Variants in PDGFC observed in about 807,000 individuals in gnomAD.
PDGFC encodes the protein platelet derived growth factor C.
A neutral mutation model predicts 35.5 loss-of-function variants in PDGFC; 12 were observed. That is an observed-to-expected ratio of 0.34 (90% CI 0.22 to 0.55). PDGFC has a LOEUF of 0.55. PDGFC is among the 20% of genes least tolerant of loss of function. PDGFC has a pLI of 0.91. For synonymous variants in PDGFC, 159 were observed against 148.8 expected (o/e 1.07, Z -0.50); for missense variants, 322 against 412.4 (o/e 0.78, Z 1.90).
chr4:156,950,476 T>C (rs1307385121), intron 1 of PDGFC, among the ~76,000 whole-genome samples: 1 of 151,898 alleles, frequency 6.6e-6, no homozygotes, highest in Non-Finnish European at 1.5e-5. Context: ...TTATCACCAT[T>C]CATTAAAACG....
In PDGFC at chr4:156,971,469, T is replaced by C; in HGVS notation, c.-566A>G. The C allele has an allele frequency of 6.1e-6, 1 of 162,910 alleles. No individual in the cohort carries two copies. Among genetic ancestry groups the C allele is most frequent in the East Asian group, 1.5e-4 (1 of 6,616 alleles). 10.1% of individuals were successfully genotyped at this position (162,910 alleles called of 1,614,324 possible). A position where few individuals can be genotyped will look rare whatever the true frequency, so the allele number is the denominator to read the frequency against. The stretch of plus-strand genomic sequence containing the variant: ...AACAAGGCGAGGGCGCCGCGGCGGG[T>C]CCCACGGGCCGGGGCGCCGGAGCGG... On this transcript the variant is annotated 5_prime_UTR_variant, in exon 1 of 6. Coordinates refer to ENST00000502773, the MANE Select transcript of PDGFC (RefSeq NM_016205.3).
intron 2 of PDGFC, among the ~76,000 whole-genome samples, chr4:156,817,604 T>A (rs1474568068): frequency 2.0e-5 from 3 of 152,154 alleles, no homozygotes; most frequent in Admixed American, 6.5e-5. Flanking sequence ...TTGGGCAACA[T>A]GGAAAGACCC....
At chr4:156,804,017 A>C (rs1731686634) in intron 3 of PDGFC, among the ~76,000 whole-genome samples, 1 of 152,102 alleles carries the variant, frequency 6.6e-6, no homozygotes. Context: ...GAGTTGGTAC[A>C]ATAAATACAA....
chr4:156,935,310 T>C (rs149468989), intron 1 of PDGFC, among the ~76,000 whole-genome samples: 186 of 152,332 alleles, frequency 1.2e-3, no homozygotes, highest in African/African-American at 4.4e-3. Context: ...GTTAACTTTT[T>C]AAATATGAGT....
At chr4:156,795,047 A>G (rs951049416) in intron 3 of PDGFC, among the ~76,000 whole-genome samples, 13 of 152,218 alleles carry the variant, frequency 8.5e-5, no homozygotes, top group Non-Finnish European at 1.5e-4. Flanking sequence ...ACTGAACACT[A>G]CTGCTTACTG....
intron 1 of PDGFC, among the ~76,000 whole-genome samples, chr4:156,969,730 C>T (rs1165671294): frequency 6.6e-6 from 1 of 152,176 alleles, no homozygotes; most frequent in Non-Finnish European, 1.5e-5. Context: ...AGAATCCTTG[C>T]ATTCTGAATA....
chr4:156,937,973 T>C (rs1400487625), intron 1 of PDGFC, among the ~76,000 whole-genome samples: 2 of 152,152 alleles, frequency 1.3e-5, no homozygotes, highest in Non-Finnish European at 2.9e-5. Flanking sequence ...GTGCTTAATA[T>C]TGATACATTT....
intron 3 of PDGFC, among the ~76,000 whole-genome samples, chr4:156,803,649 G>A (rs1416135096): frequency 6.6e-6 from 1 of 152,008 alleles, no homozygotes; most frequent in Non-Finnish European, 1.5e-5. Context: ...TTTAGGAAGG[G>A]GAAAGTGGTA....
rs538853317 is a variant in PDGFC, at chr4:156,935,155, G to A, written c.118+35631C>T. ...TGGGACTACAGGCGTGCACCACCAC[G>A]CCCAACTAATTTTTGTATTTTTCAT... On this transcript the variant is annotated intron_variant, in intron 1 of 5. Coordinates refer to ENST00000502773, the MANE Select transcript of PDGFC (RefSeq NM_016205.3). Among the ~76,000 whole-genome samples, 33 of 151,984 alleles carry A rather than the reference G, an allele frequency of 2.2e-4. No homozygotes were observed. The East Asian group carries it at 4.7e-3, about 22-fold the overall frequency.
chr4:156,849,591 G>A (rs1729404749), intron 2 of PDGFC, among the ~76,000 whole-genome samples: 1 of 152,020 alleles, frequency 6.6e-6, no homozygotes, highest in Non-Finnish European at 1.5e-5. Context: ...TACAGTAGGT[G>A]GTCTTTTGCG....
chr4:156,772,888 G>T lies in PDGFC; in HGVS notation c.501C>A (p.Phe167Leu). Residue 167 changes from phenylalanine (F) to leucine (L), a missense_variant, in exon 4 of 6, where the codon TTC (phenylalanine) becomes TTA (leucine). Phe to Leu is a conservative substitution (Grantham distance 22). Around this residue, in one of 2 missense-constraint regions of PDGFC, gnomAD observed 202 missense variants for 295.9 expected, o/e 0.68. Coordinates refer to ENST00000502773, the MANE Select transcript of PDGFC (RefSeq NM_016205.3). ...CIHYNIVMPQ[F>L]TEAVSPSVLP... ...GCACTGAAGGACTCACAGCTTCTGT[G>T]AATTGCTGAAAGTAAAATGAATCCT... The T allele has an allele frequency of 1.2e-6, 2 of 1,607,148 alleles. No homozygotes were observed. Among genetic ancestry groups the T allele is most frequent in the South Asian group, 1.1e-5 (1 of 90,922 alleles).
intron 2 of PDGFC, among the ~76,000 whole-genome samples, chr4:156,829,361 A>G (rs1248937846): frequency 1.3e-5 from 2 of 152,224 alleles, no homozygotes; most frequent in Non-Finnish European, 2.9e-5. Flanking sequence ...CATCATTGTA[A>G]TAAGTCCTGC....
chr4:156,934,330 T>C (rs992815790), intron 1 of PDGFC, among the ~76,000 whole-genome samples: 5 of 152,180 alleles, frequency 3.3e-5, no homozygotes, highest in African/African-American at 1.2e-4. Context: ...GTAAGTATTA[T>C]ATATCTAAAC....
At chr4:156,940,473 G>A (rs1431485186) in intron 1 of PDGFC, among the ~76,000 whole-genome samples, 1 of 152,064 alleles carries the variant, frequency 6.6e-6, no homozygotes, top group East Asian at 1.9e-4. Context: ...ACAAGTCCCT[G>A]ACATTTCTGG....
intron 1 of PDGFC, among the ~76,000 whole-genome samples, chr4:156,906,981 T>C (rs927560262): frequency 6.6e-6 from 1 of 152,206 alleles, no homozygotes; most frequent in South Asian, 2.1e-4. Context: ...ACATGTTTTA[T>C]AACAGAAATT....
intron 1 of PDGFC, among the ~76,000 whole-genome samples, chr4:156,882,827 G>C (rs557920633): frequency 6.6e-6 from 1 of 152,262 alleles, no homozygotes; most frequent in East Asian, 1.9e-4. Context: ...GCTCACGCCT[G>C]TAATCCCAGC....
intron 1 of PDGFC, among the ~76,000 whole-genome samples, chr4:156,877,612 T>C (rs1730145767): frequency 6.6e-6 from 1 of 152,150 alleles, no homozygotes; most frequent in Admixed American, 6.5e-5. Context: ...ACTGTGGTAG[T>C]TAAAATATAA....
chr4:156,784,972 A>G (rs1003708080), intron 3 of PDGFC, among the ~76,000 whole-genome samples: 67 of 152,322 alleles, frequency 4.4e-4, no homozygotes, highest in African/African-American at 1.5e-3. Flanking sequence ...TTTAAAACAA[A>G]TGTTCATAAT....
intron 2 of PDGFC, among the ~76,000 whole-genome samples, chr4:156,847,120 A>G (rs1729345238): frequency 6.6e-6 from 1 of 151,816 alleles, no homozygotes; most frequent in Non-Finnish European, 1.5e-5. Flanking sequence ...ATATATGCAT[A>G]TACCCTTTAG....
Sources: allele counts gnomAD v4.1 joint callset (sites outside exome capture counted in the v4.1 genomes callset), GRCh38; gene constraint gnomAD v4.1.1; regional missense constraint gnomAD v4.1.1; transcripts MANE v1.5; gene names NCBI Gene and HGNC (gene_info 2026-07-23, HGNC 2026-07-21).